CACNA1A: variants seen among roughly 807,000 people sequenced by gnomAD.
CACNA1A encodes voltage-dependent P/Q-type calcium channel subunit alpha-1A.
In CACNA1A, 57 loss-of-function variants were observed where a neutral mutation model predicts 262.4. That is an observed-to-expected ratio of 0.22 (90% confidence interval 0.18 to 0.27). The LOEUF (loss-of-function observed/expected upper bound fraction) is 0.27, where lower values mean the gene tolerates loss of function less well. Ranked by LOEUF, CACNA1A falls within the 10% of genes least tolerant of loss-of-function variation. The pLI is 1.00. For synonymous variants in CACNA1A, 1,431 were observed against 1,419.3 expected (o/e 1.01, Z -0.18); for missense variants, 2,526 against 3,562.8 (o/e 0.71, Z 7.41).
rs1457620779 is a variant in CACNA1A at position 13,207,349 on chromosome 19, G to A, written c.7485C>T (p.His2495=). The part of the protein sequence containing the change: ...PRGPGSRKGL[H]EPYSESDDDW... ...CATCGTCACTCTCGCTGTAGGGTTC[G>A]TGCAGGCCCTTCCTGGAGCCCGGCC... Residue 2495 remains histidine, a synonymous_variant, in exon 47 of 47, where the codon CAC becomes CAT. Coordinates refer to ENST00000360228, the MANE Select transcript of CACNA1A (RefSeq NM_001127222.2). This position sits in a 1 kb window ranked among gnomAD's most constrained non-coding sequence, Gnocchi z 5.7. The A allele has an allele frequency of 9.6e-6, 15 of 1,560,174 alleles. No individual in the cohort carries two copies. Among genetic ancestry groups the A allele is most frequent in the Non-Finnish European group, 1.3e-5 (15 of 1,160,350 alleles).
At chr19:13,499,856 C>G (rs1982159176) in intron 1 of CACNA1A, among the ~76,000 whole-genome samples, 1 of 152,110 alleles carries the variant, frequency 6.6e-6, no homozygotes, top group Non-Finnish European at 1.5e-5. Context: ...AAATGCGTTA[C>G]TGCACGGCTC....
At position 13,259,322 on chromosome 19, in the gene CACNA1A, TTTTTTTTTTTTTTTTTTTTTG is replaced by T. The variant is rs1304605184; in HGVS notation, c.4388+221_4388+241del. On this transcript the variant is annotated intron_variant, in intron 27 of 46. Transcript: ENST00000360228. ...CACCATGCCTGGCAGCTTTTTTTTTTTTTTTTTTTTTTTTTTTTTTGGGATTTTTAGTAGAAATGGAGTTTT... is the reference window on the plus strand; with the variant it reads ...CACCATGCCTGGCAGCTTTTTTTTTTGGATTTTTAGTAGAAATGGAGTTTT... 5 of 117,464 alleles carry T rather than the reference TTTTTTTTTTTTTTTTTTTTTG, an allele frequency of 4.3e-5. 1 individual carries two copies. Among genetic ancestry groups the T allele is most frequent in the African/African-American group, 1.7e-4 (5 of 29,086 alleles). 7.3% of individuals were successfully genotyped at this position (117,464 alleles called of 1,614,324 possible). A position where few individuals can be genotyped will look rare whatever the true frequency, so the allele number is the denominator to read the frequency against.
intron 38 of CACNA1A, among the ~76,000 whole-genome samples, chr19:13,222,729 C>T (rs1249302758): frequency 6.7e-6 from 1 of 148,408 alleles, no homozygotes; most frequent in Non-Finnish European, 1.5e-5. Flanking sequence ...GCGTCTTGCT[C>T]TGTCATCCAG....
chr19:13,209,152 G>A lies in CACNA1A; in HGVS notation c.6527-143C>T, dbSNP rs1166819868. ...GCAGGTCAGTGGGTTGGGGGGAGGG[G>A]GTAGTACCCAGGTTCCTGCAGCTGC... On this transcript the variant is annotated intron_variant, in intron 45 of 46. Coordinates refer to ENST00000360228, the MANE Select transcript of CACNA1A (RefSeq NM_001127222.2). 2.0e-5 allele frequency: 27 copies of A among 1,352,220 alleles called. No individual in the cohort carries two copies. In the African/African-American group the frequency reaches 2.3e-4, roughly 12 times the overall value. The allele number at this position is 1,352,220 out of a possible 1,614,324, so 83.8% of individuals were successfully genotyped here.
chr19:13,221,617 G>A (rs2055235734), intron 38 of CACNA1A, among the ~76,000 whole-genome samples: 1 of 151,992 alleles, frequency 6.6e-6, no homozygotes, highest in African/African-American at 2.4e-5. Context: ...TCGGGCCTCC[G>A]AAATGCACTC....
At chr19:13,500,906 G>A (rs12974295) in intron 1 of CACNA1A, among the ~76,000 whole-genome samples, 74,301 of 151,962 alleles carry the variant, frequency 0.49, 19,062 homozygotes, top group South Asian at 0.62. Flanking sequence ...GAATCTCAAA[G>A]TCTGAGTAAA....
At chr19:13,492,651 C>G (rs570280154) in intron 1 of CACNA1A, among the ~76,000 whole-genome samples, 2 of 152,134 alleles carry the variant, frequency 1.3e-5, no homozygotes, top group Admixed American at 1.3e-4. Context: ...AAAAGGAAGC[C>G]CATTTTTGTT....
At chr19:13,256,835 T>C (rs894542453) in intron 28 of CACNA1A, 2 of 152,360 alleles carry the variant, frequency 1.3e-5, no homozygotes, top group Admixed American at 6.5e-5. Flanking sequence ...CTAGGGGAGA[T>C]TGTATTTGCC....
rs1193189671 is a variant in CACNA1A at position 13,444,924 on chromosome 19, G to A, written c.539+7952C>T. Among the ~76,000 whole-genome samples, 4 of 152,114 alleles carry A rather than the reference G, an allele frequency of 2.6e-5. No individual in the cohort carries two copies. In the East Asian group the frequency reaches 7.8e-4, roughly 30 times the overall value. On this transcript the variant is annotated intron_variant, in intron 3 of 46. Transcript: ENST00000360228. The stretch of plus-strand genomic sequence containing the variant: ...AGACAGAGGTGGGCGGACCACCTGA[G>A]GGCAGGACTTGGAGACTAGCCTGAC...
intron 1 of CACNA1A, among the ~76,000 whole-genome samples, chr19:13,464,718 T>C (rs1400516715): frequency 6.6e-6 from 1 of 150,442 alleles, no homozygotes; most frequent in Non-Finnish European, 1.5e-5. Context: ...CCGGCTAATT[T>C]TTAGTATTTT....
At chr19:13,209,892 A>C (rs1464808561) in intron 44 of CACNA1A, among the ~76,000 whole-genome samples, 1 of 151,928 alleles carries the variant, frequency 6.6e-6, no homozygotes, top group Admixed American at 6.6e-5. Flanking sequence ...GGACTGCCGC[A>C]CTCATCCCTG....
chr19:13,237,915 C>G lies in CACNA1A; in HGVS notation c.4951-2185G>C, dbSNP rs1298632885. ...TAACATGTGGACTCGGCCAGGCATG[C>G]GAAGGCAGGCGGACCCTGGAAGCAG... is the stretch of plus-strand genomic sequence containing the variant. On this transcript the variant is annotated intron_variant, in intron 31 of 46. Transcript: ENST00000360228. Among the ~76,000 whole-genome samples the G allele has an allele frequency of 3.3e-5, 5 of 152,152 alleles. No individual in the cohort carries two copies. In the East Asian group the frequency reaches 7.7e-4, roughly 23 times the overall value.
At chr19:13,460,464 A>G (rs1454051499) in intron 1 of CACNA1A, among the ~76,000 whole-genome samples, 1 of 152,196 alleles carries the variant, frequency 6.6e-6, no homozygotes, top group Non-Finnish European at 1.5e-5. Context: ...AAGAAACCGA[A>G]GATTTTGATG....
In CACNA1A at chr19:13,234,837, G is replaced by A. The variant is rs2055819922; in HGVS notation, c.5249+84C>T. ...GCACGTCTTGCATTGGAAGAGGAGG[G>A]TACATCCTCTATGGGAACAGAAGGA... On this transcript the variant is annotated intron_variant, in intron 34 of 46. Transcript: ENST00000360228. 4 of 925,288 alleles carry A rather than the reference G, an allele frequency of 4.3e-6. No homozygotes were observed. The Admixed American group carries it at 5.2e-5, about 12-fold the overall frequency. 57.3% of individuals were successfully genotyped at this position (925,288 alleles called of 1,614,324 possible).
At chr19:13,317,940 C>T (rs1288685098) in intron 10 of CACNA1A, among the ~76,000 whole-genome samples, 2 of 151,766 alleles carry the variant, frequency 1.3e-5, no homozygotes, top group Non-Finnish European at 2.9e-5. Flanking sequence ...AGACAGTGGA[C>T]GTAATAAGTA....
chr19:13,390,433 A>G (rs1248409347), intron 3 of CACNA1A, among the ~76,000 whole-genome samples: 1 of 152,126 alleles, frequency 6.6e-6, no homozygotes, highest in Non-Finnish European at 1.5e-5. Flanking sequence ...CTTGATCAAC[A>G]CTGTCTGACA....
intron 3 of CACNA1A, among the ~76,000 whole-genome samples, chr19:13,395,565 T>C (rs1217807316): frequency 6.6e-6 from 1 of 151,782 alleles, no homozygotes; most frequent in Non-Finnish European, 1.5e-5. Context: ...TGAGCCGAGA[T>C]TGTGCCACTG....
chr19:13,346,115 G>A (rs1308055120), intron 6 of CACNA1A, among the ~76,000 whole-genome samples: 1 of 152,084 alleles, frequency 6.6e-6, no homozygotes, highest in Non-Finnish European at 1.5e-5. Flanking sequence ...TGTTGGCCAG[G>A]CTGGTCTGGA....
chr19:13,280,132 G>A (rs2057254646), intron 22 of CACNA1A, among the ~76,000 whole-genome samples: 1 of 151,710 alleles, frequency 6.6e-6, no homozygotes, highest in East Asian at 1.9e-4. Flanking sequence ...CCAACCACTT[G>A]CAAATTATAT....
Sources: gnomAD v4.1 joint callset for allele counts (sites outside exome capture counted in the v4.1 genomes callset) on GRCh38, gnomAD v4.1.1 for gene constraint, Gnocchi (gnomAD v3.1) non-coding constraint, MANE v1.5 for transcripts, NCBI Gene and HGNC (gene_info 2026-07-23, HGNC 2026-07-21) for gene names.